The following ATP2A1 variants were observed in gnomAD, a reference collection of about 807,000 sequenced individuals.
ATP2A1 encodes ATPase sarcoplasmic/endoplasmic reticulum Ca2+ transporting 1.
A neutral mutation model predicts 109.5 loss-of-function variants in ATP2A1; 83 were observed. That is an observed-to-expected ratio of 0.76 (90% CI 0.63 to 0.91). The LOEUF is 0.91. ATP2A1 is among the 40% of genes least tolerant of loss of function. The probability of loss-of-function intolerance (pLI) is 0.00; values close to 1 mark genes in which losing one functional copy is unlikely to be tolerated. For synonymous variants in ATP2A1, 505 were observed against 537.6 expected, an observed-to-expected ratio of 0.94 and a Z score of 0.84; for missense variants, 1,101 against 1,341.0, an observed-to-expected ratio of 0.82 and a Z score of 2.80.
At position 28,887,142 on chromosome 16, in the gene ATP2A1, A is replaced by G. The variant is rs764354764; in HGVS notation, c.545-47A>G. The G allele has an allele frequency of 2.3e-5, 36 of 1,586,818 alleles. 1 individual carries two copies. In the East Asian group the frequency reaches 7.6e-4, roughly 34 times the overall value. On this transcript the variant is annotated intron_variant, in intron 6 of 22. Coordinates refer to ENST00000395503, the MANE Select transcript of ATP2A1 (RefSeq NM_004320.6). ...GAGAGTTAGGCACGGGAAGCCTGGG[A>G]GAAGGACATGATGTCATCCGAAAAC... is the stretch of plus-strand genomic sequence containing the variant.
chr16:28,902,242 T>C lies in ATP2A1; in HGVS notation c.2380T>C (p.Trp794Arg). Reference sequence around the variant, plus strand: ...GGCCCTGATCCCGGTGCAGCTGCTATGGGTGAACTTGGTGACCGACGGGCT... The same window carrying C: ...GGCCCTGATCCCGGTGCAGCTGCTACGGGTGAACTTGGTGACCGACGGGCT... Reference protein sequence around the residue: ...PEALIPVQLLWVNLVTDGLPA... With the variant: ...PEALIPVQLLRVNLVTDGLPA... The change falls in exon 17 of 23, where the codon TGG becomes CGG. Residue 794 changes from tryptophan (W) to arginine (R), a missense_variant. Coordinates refer to ENST00000395503, the MANE Select transcript of ATP2A1 (RefSeq NM_004320.6). This position sits in a 1 kb window ranked among gnomAD's most constrained non-coding sequence, Gnocchi z 4.8. 6.2e-7 allele frequency: 1 copy of C among 1,614,094 alleles called. No individual in the cohort carries two copies. The highest frequency in any genetic ancestry group is 8.5e-7 in the Non-Finnish European group (1 of 1,180,004).
chr16:28,880,899 T>G lies in ATP2A1; in HGVS notation c.220-16T>G. 6.2e-7 allele frequency: 1 copy of G among 1,610,524 alleles called. No individual in the cohort carries two copies. The highest frequency in any genetic ancestry group is 1.1e-5 in the South Asian group (1 of 91,016). ...GGGCCTCATTACCTGTCATTCTCCTTTCCCCTGCTCCCCAGGTGCTGGCCT... is the reference window on the plus strand; with the variant it reads ...GGGCCTCATTACCTGTCATTCTCCTGTCCCCTGCTCCCCAGGTGCTGGCCT... On this transcript the variant is annotated splice_polypyrimidine_tract_variant and intron_variant, in intron 3 of 22. Coordinates refer to ENST00000395503, the MANE Select transcript of ATP2A1 (RefSeq NM_004320.6). This position sits in a 1 kb window ranked among gnomAD's most constrained non-coding sequence, Gnocchi z 4.2.
Position 28,902,771 on chromosome 16 carries a change from C to A in ATP2A1, c.2611-7C>A. Reference sequence around the variant, plus strand: ...CTGGACCTCAGTCTCCCGTACCTTCCCTGCAGACTCACTTCATGCAGTGCA... The same window carrying A: ...CTGGACCTCAGTCTCCCGTACCTTCACTGCAGACTCACTTCATGCAGTGCA... On this transcript the variant is annotated splice_region_variant and splice_polypyrimidine_tract_variant and intron_variant, in intron 18 of 22. Coordinates refer to ENST00000395503, the MANE Select transcript of ATP2A1 (RefSeq NM_004320.6). The surrounding 1 kb of genome is among the most constrained non-coding windows in gnomAD (Gnocchi z 4.8). 1 of 1,613,834 alleles carries A rather than the reference C, an allele frequency of 6.2e-7. No individual in the cohort carries two copies. The highest frequency in any genetic ancestry group is 1.1e-5 in the South Asian group (1 of 91,064).
intron 1 of ATP2A1, 120 bp downstream of exon 1, chr16:28,878,909 C>A: frequency 1.5e-6 from 2 of 1,350,070 alleles, no homozygotes; most frequent in South Asian, 2.3e-5. Context: ...GGGCCGTTGT[C>A]CAATGCTCGC....
Position 28,880,724 on chromosome 16 carries a change from C to T in ATP2A1, c.220-191C>T, listed in dbSNP as rs1230538473. On this transcript the variant is annotated intron_variant, in intron 3 of 22. Transcript: ENST00000395503. This position sits in a 1 kb window ranked among gnomAD's most constrained non-coding sequence, Gnocchi z 4.2. The stretch of plus-strand genomic sequence containing the variant: ...TGCGCGCCCATCCCGCTGAGTAAGG[C>T]GGTGGCAGGACCTGCAGTGGATGGA... 6.6e-6 allele frequency among the ~76,000 whole-genome samples: 1 copy of T among 152,232 alleles called. No individual in the cohort carries two copies. The highest frequency in any genetic ancestry group is 2.4e-5 in the African/African-American group (1 of 41,468).
rs1964054020 is a variant in ATP2A1, at chr16:28,900,840, G to C, written c.2024G>C (p.Cys675Ser). 1 of 1,614,100 alleles carries C rather than the reference G, an allele frequency of 6.2e-7. No homozygotes were observed. Among genetic ancestry groups the C allele is most frequent in the African/African-American group, 1.3e-5 (1 of 74,928 alleles). ...CGGGAAGCCTGCCGACGTGCCTGCT[G>C]CTTCGCCCGTGTGGAGCCCTCGCAC... The part of the protein sequence containing the change: ...EQREACRRAC[C>S]FARVEPSHKS... Residue 675 changes from cysteine (C) to serine (S), a missense_variant, in exon 15 of 23, where the codon TGC (cysteine) becomes TCC (serine). Cys to Ser is a moderately radical substitution (Grantham distance 112, BLOSUM62 -1). Coordinates refer to ENST00000395503, the MANE Select transcript of ATP2A1 (RefSeq NM_004320.6).
chr16:28,896,856 G>A (rs1483766709), intron 12 of ATP2A1, among the ~76,000 whole-genome samples: 2 of 151,630 alleles, frequency 1.3e-5, no homozygotes, highest in Non-Finnish European at 2.9e-5. Flanking sequence ...ACCACGCCTG[G>A]CTGATTTTGT....
chr16:28,879,020 T>C, intron 1 of ATP2A1, 79 bp from the exon 2 acceptor site: 3 of 1,585,982 alleles, frequency 1.9e-6, no homozygotes, highest in Non-Finnish European at 2.6e-6. Context: ...CTGATTCTCT[T>C]AGCCACAAAG....
intron 14 of ATP2A1, among the ~76,000 whole-genome samples, chr16:28,900,364 A>G (rs919833579): frequency 4.6e-5 from 7 of 151,718 alleles, no homozygotes; most frequent in Non-Finnish European, 8.8e-5. Flanking sequence ...CAGCACCTGC[A>G]GGTGCTTAGA....
rs868427330 is a variant in ATP2A1, at chr16:28,880,787, C to A, written c.220-128C>A. 6 of 888,282 alleles carry A rather than the reference C, an allele frequency of 6.8e-6. No homozygotes were observed. Among genetic ancestry groups the A allele is most frequent in the Non-Finnish European group, 1.1e-5 (6 of 536,184 alleles). The allele number at this position is 888,282 out of a possible 1,614,324, so 55.0% of individuals were successfully genotyped here. On this transcript the variant is annotated intron_variant, in intron 3 of 22. Transcript: ENST00000395503. The surrounding 1 kb of genome is among the most constrained non-coding windows in gnomAD (Gnocchi z 4.2). Reference sequence around the variant, plus strand: ...CGGATGTGGGGCCACAGCGCCCCGACGGTGCCCGGCCCTCCTGCTGGCTCC... The same window carrying A: ...CGGATGTGGGGCCACAGCGCCCCGAAGGTGCCCGGCCCTCCTGCTGGCTCC...
Position 28,878,600 on chromosome 16 carries a change from G to A in ATP2A1, c.-72G>A, listed in dbSNP as rs1235385744. The A allele has an allele frequency of 2.3e-6, 3 of 1,293,272 alleles. No homozygotes were observed. The highest frequency in any genetic ancestry group is 2.5e-5 in the South Asian group (2 of 78,984). 80.1% of individuals were successfully genotyped at this position (1,293,272 alleles called of 1,614,324 possible). ...AGGCAGACAGGCAGTTGGACACACT[G>A]AGGAAGACCCCCCACGAGTGGGAAC... On this transcript the variant is annotated 5_prime_UTR_variant, in exon 1 of 23. Coordinates refer to ENST00000395503, the MANE Select transcript of ATP2A1 (RefSeq NM_004320.6).
At position 28,902,749 on chromosome 16, in the gene ATP2A1, G is replaced by T. The variant is rs1438530638; in HGVS notation, c.2611-29G>T. 6.2e-7 allele frequency: 1 copy of T among 1,613,922 alleles called. No individual in the cohort carries two copies. Among genetic ancestry groups the T allele is most frequent in the Non-Finnish European group, 8.5e-7 (1 of 1,179,944 alleles). On this transcript the variant is annotated intron_variant, in intron 18 of 22. Transcript: ENST00000395503. The surrounding 1 kb of genome is among the most constrained non-coding windows in gnomAD (Gnocchi z 4.8). ...GGAGGGTGGCATGGAGGTGGCCCTG[G>T]ACCTCAGTCTCCCGTACCTTCCCTG...
chr16:28,880,611 G>A lies in ATP2A1; in HGVS notation c.220-304G>A, dbSNP rs1567478744. ...TGGGATGGATGTGGCTGTGCGGGGG[G>A]TTGGCCTGAGCTTCGCTTCTAAGCC... On this transcript the variant is annotated intron_variant, in intron 3 of 22. Coordinates refer to ENST00000395503, the MANE Select transcript of ATP2A1 (RefSeq NM_004320.6). This position sits in a 1 kb window ranked among gnomAD's most constrained non-coding sequence, Gnocchi z 4.2. 6.6e-6 allele frequency among the ~76,000 whole-genome samples: 1 copy of A among 152,230 alleles called. No homozygotes were observed. Among genetic ancestry groups the A allele is most frequent in the Admixed American group, 6.5e-5 (1 of 15,288 alleles).
chr16:28,899,986 A>C (rs1402252104), intron 14 of ATP2A1, among the ~76,000 whole-genome samples: 4 of 149,104 alleles, frequency 2.7e-5, no homozygotes, highest in Non-Finnish European at 4.5e-5. Flanking sequence ...CAAAAACAAA[A>C]ACAAAAAAAA....
chr16:28,879,668 C>T, intron 3 of ATP2A1, 85 bp downstream of exon 3: 2 of 1,433,054 alleles, frequency 1.4e-6, no homozygotes, highest in South Asian at 2.4e-5. Flanking sequence ...ACTGGATCCT[C>T]CCGTCCGAGT....
chr16:28,894,134 G>T, intron 9 of ATP2A1, 21 bp from the exon 10 acceptor site: 4 of 1,608,730 alleles, frequency 2.5e-6, no homozygotes, highest in Non-Finnish European at 3.4e-6. Flanking sequence ...ACATCTGTGT[G>T]CCTGCCCTTC....
rs147327299 is a variant in ATP2A1, at chr16:28,903,172, G to A, written c.2862+25G>A. ...GGTGAGGTTTCTTCCGCCCAGGGCC[G>A]CCCACCCCAGCACTGGGGAGCCCAC... is the stretch of plus-strand genomic sequence containing the variant. On this transcript the variant is annotated intron_variant, in intron 20 of 22. Transcript: ENST00000395503. This position sits in a 1 kb window ranked among gnomAD's most constrained non-coding sequence, Gnocchi z 5.6. 353 of 1,610,330 alleles carry A rather than the reference G, an allele frequency of 2.2e-4. 2 individuals carry two copies. In the African/African-American group the frequency reaches 4.2e-3, roughly 19 times the overall value.
rs1963435446 is a variant in ATP2A1, at chr16:28,880,472, G to C, written c.220-443G>C. On this transcript the variant is annotated intron_variant, in intron 3 of 22. Coordinates refer to ENST00000395503, the MANE Select transcript of ATP2A1 (RefSeq NM_004320.6). This position sits in a 1 kb window ranked among gnomAD's most constrained non-coding sequence, Gnocchi z 4.2. The stretch of plus-strand genomic sequence containing the variant: ...CAGGAGGCCCCGTAACCCTATCCCC[G>C]CTCCGGCTCCCTCGTGAAACCGGAG... 6.6e-6 allele frequency among the ~76,000 whole-genome samples: 1 copy of C among 152,226 alleles called. No individual in the cohort carries two copies. Among genetic ancestry groups the C allele is most frequent in the Admixed American group, 6.5e-5 (1 of 15,286 alleles).
intron 5 of ATP2A1, 71 bp from the exon 6 acceptor site, chr16:28,884,504 A>G: frequency 1.4e-6 from 2 of 1,414,708 alleles, no homozygotes; most frequent in Non-Finnish European, 2.0e-6. Flanking sequence ...TCAGACACAG[A>G]TTGGGTTTTT....
Sources: gnomAD v4.1 joint callset for allele counts (sites outside exome capture counted in the v4.1 genomes callset) on GRCh38, gnomAD v4.1.1 for gene constraint, Gnocchi (gnomAD v3.1) non-coding constraint, MANE v1.5 for transcripts, NCBI Gene and HGNC (gene_info 2026-07-23, HGNC 2026-07-21) for gene names.